DNAAF5: variants seen among roughly 807,000 people sequenced by gnomAD.
DNAAF5 encodes dynein axonemal assembly factor 5.
Under a neutral mutation model 75.8 loss-of-function variants are expected in DNAAF5, and 64 were observed. The observed-to-expected ratio is 0.84, with a 90% CI of 0.69 to 1.04. The LOEUF is 1.04. DNAAF5 is among the 50% of genes least tolerant of loss of function. DNAAF5 has a pLI of 0.00. For missense variants in DNAAF5, 1,269 were observed against 1,178.5 expected (o/e 1.08, Z -1.12); for synonymous variants, 657 against 557.2 (o/e 1.18, Z -2.52).
chr7:729,142 G>A (rs147113587), intron 1 of DNAAF5, among the ~76,000 whole-genome samples: 35 of 152,166 alleles, frequency 2.3e-4, no homozygotes, highest in Admixed American at 1.7e-3. Context: ...GATTACAGGC[G>A]CCTGCCACCT....
At position 763,817 on chromosome 7, in the gene DNAAF5, G is replaced by T. The variant is rs368538461; in HGVS notation, c.1626G>T (p.Thr542=). ...ATGLRDKAQE[T]MDSLAMVEGV... is the part of the protein sequence containing the mutation. ...CTTGTAACCTCCAGGCACAGGAGACGATGGACTCACTGGCCATGGTGGAGG... is the reference window on the plus strand; with the variant it reads ...CTTGTAACCTCCAGGCACAGGAGACTATGGACTCACTGGCCATGGTGGAGG... The change falls in exon 8 of 13, where the codon ACG becomes ACT. Residue 542 remains threonine (T), a synonymous_variant. Transcript: ENST00000297440. 1.9e-6 allele frequency: 3 copies of T among 1,613,368 alleles called. No homozygotes were observed. Among genetic ancestry groups the T allele is most frequent in the Non-Finnish European group, 2.5e-6 (3 of 1,180,014 alleles).
chr7:760,110 G>A (rs570106000), intron 6 of DNAAF5, among the ~76,000 whole-genome samples: 5 of 50,374 alleles, frequency 9.9e-5, no homozygotes, highest in African/African-American at 2.7e-4. Context: ...GGGGCCGCGC[G>A]GCTCCTCCAG....
At position 774,060 on chromosome 7, in the gene DNAAF5, C is replaced by A; in HGVS notation, c.1944C>A (p.Ser648Arg). Residue 648 changes from serine (S) to arginine (R), a missense_variant, in exon 10 of 13, where the codon AGC becomes AGA. Physicochemically the swap from Ser to Arg is moderately radical, Grantham distance 110. Transcript: ENST00000297440. ...DTINSQGQFP[S>R]YLETVTKDIL... ...GTTCCGGTTCCAGGCAGTTTCCCAG[C>A]TACCTCGAGACGGTGACAAAGGACA... The A allele has an allele frequency of 1.2e-6, 2 of 1,614,136 alleles. No individual in the cohort carries two copies. The highest frequency in any genetic ancestry group is 1.1e-5 in the South Asian group (1 of 91,092).
At chr7:766,162 T>A (rs1484099328) in intron 8 of DNAAF5, among the ~76,000 whole-genome samples, 1 of 152,214 alleles carries the variant, frequency 6.6e-6, no homozygotes, top group Non-Finnish European at 1.5e-5. Flanking sequence ...GATTATGTTC[T>A]CTGAGCCCCA....
At position 775,016 on chromosome 7, in the gene DNAAF5, TGCAG is replaced by T; in HGVS notation, c.2095_2098del (p.Gln699LysfsTer3). 6.2e-7 allele frequency: 1 copy of T among 1,613,872 alleles called. No homozygotes were observed. The highest frequency in any genetic ancestry group is 8.5e-7 in the Non-Finnish European group (1 of 1,179,946). On this transcript the variant is annotated frameshift_variant, in exon 11 of 13. Transcript: ENST00000297440. LOFTEE classifies it high-confidence loss of function. The stretch of plus-strand genomic sequence containing the variant: ...GTTTGCTGATTGCAGATACGGGACG[TGCAG>T]GAAACACTGATGCCCCAGGTCCTGA...
intron 4 of DNAAF5, among the ~76,000 whole-genome samples, chr7:744,401 C>T (rs1261432497): frequency 1.3e-5 from 2 of 152,302 alleles, no homozygotes; most frequent in South Asian, 2.1e-4. Context: ...AATAAACATA[C>T]ATGTGCCTGT....
At chr7:779,773 C>T (rs771383552) in intron 11 of DNAAF5, 180 bp from the exon 12 acceptor site, 10 of 592,558 alleles carry the variant, frequency 1.7e-5, no homozygotes, top group Non-Finnish European at 3.0e-5. Flanking sequence ...TTCAGGGGTC[C>T]CAGGTCGCCA....
At position 774,091 on chromosome 7, in the gene DNAAF5, G is replaced by T. The variant is rs762534985; in HGVS notation, c.1975G>T (p.Ala659Ser). 1.2e-6 allele frequency: 2 copies of T among 1,613,874 alleles called. No homozygotes were observed. Among genetic ancestry groups the T allele is most frequent in the Non-Finnish European group, 1.7e-6 (2 of 1,180,010 alleles). Reference protein sequence around the residue: ...YLETVTKDILAPNLQWHAGRT... With the variant: ...YLETVTKDILSPNLQWHAGRT... ...CGAGACGGTGACAAAGGACATCCTG[G>T]CCCCCAATCTGCAGTGGCATGCGGG... Residue 659 changes from alanine (A) to serine (S), a missense_variant, in exon 10 of 13, where the codon GCC becomes TCC. By Grantham distance (99) the Ala-to-Ser change is moderately conservative. Coordinates refer to ENST00000297440, the MANE Select transcript of DNAAF5 (RefSeq NM_017802.4).
In DNAAF5 at chr7:754,664, A is replaced by G; in HGVS notation, c.1100A>G (p.Asp367Gly). Residue 367 changes from aspartate to glycine, a missense_variant, in exon 5 of 13, where the codon GAC (aspartate) becomes GGC (glycine). Physicochemically the swap from Asp to Gly is moderately conservative, Grantham distance 94 (BLOSUM62 -1). Coordinates refer to ENST00000297440, the MANE Select transcript of DNAAF5 (RefSeq NM_017802.4). This position sits in a 1 kb window ranked among gnomAD's most constrained non-coding sequence, Gnocchi z 4.8. ...AAGATCCTCCCTGCCCTGTGCCACGACATCACCGACTGGGTGGTGGGGACC... is the reference window on the plus strand; with the variant it reads ...AAGATCCTCCCTGCCCTGTGCCACGGCATCACCGACTGGGTGGTGGGGACC... ...LSKILPALCHDITDWVVGTRV... is the reference protein window; with the variant it reads ...LSKILPALCHGITDWVVGTRV... The G allele has an allele frequency of 6.2e-7, 1 of 1,614,102 alleles. No homozygotes were observed. Among genetic ancestry groups the G allele is most frequent in the Non-Finnish European group, 8.5e-7 (1 of 1,180,024 alleles).
At chr7:753,168 C>T (rs1157767509) in intron 4 of DNAAF5, among the ~76,000 whole-genome samples, 1 of 152,230 alleles carries the variant, frequency 6.6e-6, no homozygotes. Flanking sequence ...AGCCCTTCCA[C>T]AGCTGGTATT....
intron 4 of DNAAF5, among the ~76,000 whole-genome samples, chr7:753,455 G>C (rs997482063): frequency 2.0e-5 from 3 of 152,254 alleles, no homozygotes; most frequent in Non-Finnish European, 4.4e-5. Flanking sequence ...TGCCTTGGGG[G>C]CTGCAGTGCA....
At chr7:777,306 G>A (rs137894190) in intron 11 of DNAAF5, among the ~76,000 whole-genome samples, 39 of 152,194 alleles carry the variant, frequency 2.6e-4, no homozygotes, top group Non-Finnish European at 4.0e-4. Flanking sequence ...CCGAAGACCC[G>A]GCGCTAAGGG....
At chr7:729,571 T>A (rs772150919) in intron 1 of DNAAF5, 92 bp from the exon 2 acceptor site, 28 of 1,243,496 alleles carry the variant, frequency 2.3e-5, no homozygotes, top group Non-Finnish European at 3.0e-5. Context: ...GGTGAGGAAC[T>A]CATAGGCAGG....
intron 8 of DNAAF5, among the ~76,000 whole-genome samples, chr7:766,148 T>C (rs1236669849): frequency 6.6e-6 from 1 of 152,192 alleles, no homozygotes; most frequent in African/African-American, 2.4e-5. Flanking sequence ...CATTTCCCAA[T>C]GATGATTATG....
intron 9 of DNAAF5, chr7:771,513 C>T (rs1169475202): frequency 6.6e-6 from 1 of 152,288 alleles, no homozygotes; most frequent in African/African-American, 2.4e-5. Flanking sequence ...GGAAAGAGTC[C>T]AGGCGCTCAG....
rs1782545008 is a variant in DNAAF5 at position 758,126 on chromosome 7, C to G, written c.1470+1132C>G. Among the ~76,000 whole-genome samples the G allele has an allele frequency of 2.0e-5, 3 of 152,244 alleles. No individual in the cohort carries two copies. In the South Asian group the frequency reaches 6.2e-4, roughly 31 times the overall value. On this transcript the variant is annotated intron_variant, in intron 6 of 12. Transcript: ENST00000297440. ...AGCCATGCTTCAGCTTTTCCCAAAA[C>G]CCGTTTTTAACACATCATCGAATGT...
rs760388668 is a variant in DNAAF5, at chr7:740,868, G to A, written c.830G>A (p.Arg277His). The change falls in exon 3 of 13, where the codon CGT becomes CAT. Residue 277 changes from arginine (R) to histidine (H), a missense_variant. Physicochemically the swap from Arg to His is conservative, Grantham distance 29 (BLOSUM62 0). Transcript: ENST00000297440. Reference protein sequence around the residue: ...SVVGGWLLCLRDRYSFFHKLI... With the variant: ...SVVGGWLLCLHDRYSFFHKLI... ...GTGGGCGGCTGGCTGCTGTGTCTGC[G>A]TGACCGTTACTCCTTCTTCCACAAG... The A allele has an allele frequency of 3.9e-5, 63 of 1,613,960 alleles. No individual in the cohort carries two copies. Among genetic ancestry groups the A allele is most frequent in the Middle Eastern group, 3.3e-4 (2 of 6,084 alleles).
At chr7:753,089 G>A (rs1258170759) in intron 4 of DNAAF5, among the ~76,000 whole-genome samples, 1 of 152,220 alleles carries the variant, frequency 6.6e-6, no homozygotes, top group Non-Finnish European at 1.5e-5. Context: ...AGCGCGGACT[G>A]GCTCAAACAC....
intron 5 of DNAAF5, 42 bp from the exon 6 acceptor site, chr7:756,740 C>G: frequency 6.3e-7 from 1 of 1,594,790 alleles, no homozygotes; most frequent in African/African-American, 1.3e-5. Flanking sequence ...GGCTGAGACC[C>G]TCGGGTTTGG....
Sources: gnomAD v4.1 joint callset for allele counts (sites outside exome capture counted in the v4.1 genomes callset) on GRCh38, gnomAD v4.1.1 for gene constraint, Gnocchi (gnomAD v3.1) non-coding constraint, MANE v1.5 for transcripts, NCBI Gene and HGNC (gene_info 2026-07-23, HGNC 2026-07-21) for gene names.